The following SYT1 variants were observed in gnomAD, a reference collection of about 807,000 sequenced individuals.
SYT1 encodes synaptotagmin 1.
In SYT1, 8 loss-of-function variants were observed where a neutral mutation model predicts 44.8. The observed-to-expected ratio is 0.18, with a 90% CI of 0.10 to 0.32. The LOEUF (loss-of-function observed/expected upper bound fraction) is 0.32, where lower values mean the gene tolerates loss of function less well. Ranked by LOEUF, SYT1 falls within the 10% of genes least tolerant of loss-of-function variation. SYT1 has a pLI of 1.00. For synonymous variants in SYT1, 154 were observed against 188.8 expected, an observed-to-expected ratio of 0.82 and a Z score of 1.51; for missense variants, 286 against 509.3, an observed-to-expected ratio of 0.56 and a Z score of 4.22.
At chr12:78,877,228 C>T (rs945870496) in intron 1 of SYT1, among the ~76,000 whole-genome samples, 1 of 151,288 alleles carries the variant, frequency 6.6e-6, no homozygotes, top group South Asian at 2.1e-4. Flanking sequence ...GAAGGAACAG[C>T]AAAGGGATGT....
At chr12:78,949,382 A>G (rs1311128280) in intron 1 of SYT1, among the ~76,000 whole-genome samples, 1 of 151,902 alleles carries the variant, frequency 6.6e-6, no homozygotes, top group East Asian at 1.9e-4. Flanking sequence ...ACTTCTGTGC[A>G]GGTCAATGAT....
Position 79,296,213 on chromosome 12 carries a change from T to A in SYT1, c.619T>A (p.Phe207Ile). ...CCACCGAAAAACCCTTAATCCTGTC[T>A]TCAATGAGCAATTTACTTTCAAGGT... ...KVHRKTLNPV[F>I]NEQFTFKVPY... Residue 207 changes from phenylalanine to isoleucine, a missense_variant, in exon 7 of 11, where the codon TTC (phenylalanine) becomes ATC (isoleucine). Physicochemically the swap from Phe to Ile is conservative, Grantham distance 21. Around this residue, in one of 6 missense-constraint regions of SYT1, gnomAD observed 81 missense variants for 164.9 expected, o/e 0.49. Transcript: ENST00000261205. 1 of 1,612,164 alleles carries A rather than the reference T, an allele frequency of 6.2e-7. No homozygotes were observed. Among genetic ancestry groups the A allele is most frequent in the Non-Finnish European group, 8.5e-7 (1 of 1,179,462 alleles).
At chr12:79,275,245 CTA>C in intron 4 of SYT1, among the ~76,000 whole-genome samples, 1 of 152,100 alleles carries the variant, frequency 6.6e-6, no homozygotes, top group Non-Finnish European at 1.5e-5. Context: ...TGGAGGAAGA[CTA>C]TGGCTCTGCA....
intron 3 of SYT1, among the ~76,000 whole-genome samples, chr12:79,152,452 G>A (rs908798752): frequency 6.6e-5 from 10 of 152,098 alleles, no homozygotes; most frequent in African/African-American, 2.4e-4. Context: ...AGTTAGAAGT[G>A]GAAGAAAAGT....
chr12:79,305,768 T>G (rs1229446512), intron 8 of SYT1, among the ~76,000 whole-genome samples: 2 of 152,184 alleles, frequency 1.3e-5, no homozygotes, highest in Non-Finnish European at 2.9e-5. Flanking sequence ...TGATCTCAGC[T>G]CACTGCAACC....
chr12:78,960,426 A>G (rs1879440063), intron 1 of SYT1: 1 of 152,222 alleles, frequency 6.6e-6, no homozygotes, highest in African/African-American at 2.4e-5. Flanking sequence ...CTCAATCTTT[A>G]TCCCTAAGTT....
intron 8 of SYT1, among the ~76,000 whole-genome samples, chr12:79,329,150 A>T (rs1480538543): frequency 6.6e-6 from 1 of 152,172 alleles, no homozygotes; most frequent in Non-Finnish European, 1.5e-5. Flanking sequence ...CAAGCACAAG[A>T]TTCAGTGGAC....
At chr12:79,165,826 C>T (rs1212083663) in intron 3 of SYT1, among the ~76,000 whole-genome samples, 2 of 151,930 alleles carry the variant, frequency 1.3e-5, no homozygotes, top group Non-Finnish European at 2.9e-5. Flanking sequence ...AGGTATGTTA[C>T]AATAGAATGA....
At chr12:78,974,761 T>C (rs1868693216) in intron 1 of SYT1, among the ~76,000 whole-genome samples, 1 of 152,108 alleles carries the variant, frequency 6.6e-6, no homozygotes, top group South Asian at 2.1e-4. Context: ...TAAACCAATA[T>C]AATAGTTATT....
At chr12:79,077,837 T>C (rs1172098535) in intron 3 of SYT1, among the ~76,000 whole-genome samples, 1 of 152,186 alleles carries the variant, frequency 6.6e-6, no homozygotes, top group Non-Finnish European at 1.5e-5. Flanking sequence ...TTGCTGGCCC[T>C]ATTAGAAATA....
At chr12:79,375,002 C>G (rs1335622716) in intron 9 of SYT1, among the ~76,000 whole-genome samples, 1 of 152,170 alleles carries the variant, frequency 6.6e-6, no homozygotes, top group African/African-American at 2.4e-5. Context: ...CAGCCACAGA[C>G]AGTCTGTAAG....
At chr12:79,402,835 T>C (rs1224361340) in intron 9 of SYT1, among the ~76,000 whole-genome samples, 3 of 152,244 alleles carry the variant, frequency 2.0e-5, no homozygotes, top group Non-Finnish European at 4.4e-5. Context: ...CTCCTCAGCA[T>C]ATTAAGGACC....
intron 2 of SYT1, among the ~76,000 whole-genome samples, chr12:78,996,083 AG>A (rs113272453): frequency 0.088 from 13,449 of 152,226 alleles, 748 homozygotes; most frequent in African/African-American, 0.15. Context: ...TGTTACAATA[AG>A]GTCTGGAGGT....
chr12:79,414,401 T>G (rs1371299737), intron 9 of SYT1, among the ~76,000 whole-genome samples: 1 of 152,064 alleles, frequency 6.6e-6, no homozygotes, highest in African/African-American at 2.4e-5. Flanking sequence ...ACACATTAGA[T>G]CCTTGTATGT....
chr12:79,251,691 A>G (rs551068195), intron 4 of SYT1, among the ~76,000 whole-genome samples: 1 of 152,306 alleles, frequency 6.6e-6, no homozygotes, highest in East Asian at 1.9e-4. Flanking sequence ...TTCCATGGAC[A>G]GTAAAAAGTG....
chr12:79,257,031 G>T (rs1877561597), intron 4 of SYT1, among the ~76,000 whole-genome samples: 1 of 152,064 alleles, frequency 6.6e-6, no homozygotes, highest in Non-Finnish European at 1.5e-5. Context: ...TGTGTTTATG[G>T]CCAAGATAAA....
At chr12:78,934,130 A>G (rs1809245011) in intron 1 of SYT1, among the ~76,000 whole-genome samples, 1 of 151,238 alleles carries the variant, frequency 6.6e-6, no homozygotes, top group Admixed American at 6.6e-5. Flanking sequence ...ATGTGTGTGT[A>G]TATATGTGTG....
At position 79,179,135 on chromosome 12, in the gene SYT1, G is replaced by GAT. The variant is rs1385608497; in HGVS notation, c.-17-38364_-17-38363dup. On this transcript the variant is annotated intron_variant, in intron 3 of 10. Transcript: ENST00000261205. ...ATATAGATATAGATATAGATATATA[G>GAT]ATATAGATATAGATATATAGATATA... 5.7e-5 allele frequency among the ~76,000 whole-genome samples: 6 copies of GAT among 105,942 alleles called. 1 individual carries two copies. The East Asian group carries it at 1.1e-3, about 19-fold the overall frequency. The allele number at this position is 105,942 out of a possible 152,430, so 69.5% of individuals were successfully genotyped here. A position where few individuals can be genotyped will look rare whatever the true frequency, so the allele number is the denominator to read the frequency against.
At chr12:79,250,074 CATT>C (rs1877107652) in intron 4 of SYT1, among the ~76,000 whole-genome samples, 1 of 152,070 alleles carries the variant, frequency 6.6e-6, no homozygotes, top group African/African-American at 2.4e-5. Context: ...TGAATATTAT[CATT>C]ATTTCCATTT....
Sources: allele counts gnomAD v4.1 joint callset (sites outside exome capture counted in the v4.1 genomes callset), GRCh38; gene constraint gnomAD v4.1.1; regional missense constraint gnomAD v4.1.1; transcripts MANE v1.5; gene names NCBI Gene and HGNC (gene_info 2026-07-23, HGNC 2026-07-21).